The following CENPI variants were observed in gnomAD, a reference collection of about 807,000 sequenced individuals.
CENPI encodes centromere protein I.
CENPI carries 4 observed loss-of-function variants against 60.4 expected under a neutral mutation model. That is an observed-to-expected ratio of 0.07 (90% confidence interval 0.03 to 0.15). The LOEUF is 0.15. Ranked by LOEUF, CENPI falls within the 10% of genes least tolerant of loss-of-function variation. CENPI has a pLI of 1.00. For synonymous variants in CENPI, 157 were observed against 189.4 expected, an observed-to-expected ratio of 0.83 and a Z score of 1.40; for missense variants, 444 against 534.5, an observed-to-expected ratio of 0.83 and a Z score of 1.67.
chrX:101,141,964 T>C (rs1193454786), intron 16 of CENPI, among the ~76,000 whole-genome samples: 1 of 110,907 alleles, frequency 9.0e-6, no homozygotes, highest in Non-Finnish European at 1.9e-5. Flanking sequence ...ACTTCTAGGC[T>C]CAAGCTATCC....
intron 4 of CENPI, among the ~76,000 whole-genome samples, chrX:101,109,075 G>GTTTTTTTTT (rs869245080): frequency 2.1e-5 from 1 of 47,316 alleles, no homozygotes; most frequent in Non-Finnish European, 3.8e-5. Context: ...GAGGTGTGGT[G>GTTTTTTTTT]TTTTTTTTTT....
chrX:101,173,791 T>G, the CENPI span, among the ~76,000 whole-genome samples: 1 of 109,845 alleles, frequency 9.1e-6, no homozygotes, highest in Non-Finnish European at 1.9e-5. Flanking sequence ...GTTCAAAAAT[T>G]GAATCTTATA....
chrX:101,155,092 A>G (rs1602856255), intron 20 of CENPI, among the ~76,000 whole-genome samples: 1 of 111,344 alleles, frequency 9.0e-6, no homozygotes. Flanking sequence ...CTCAGGTACT[A>G]TGTCAAAAAA....
intron 6 of CENPI, among the ~76,000 whole-genome samples, chrX:101,119,871 T>G (rs1303408777): frequency 8.9e-6 from 1 of 111,751 alleles, no homozygotes; most frequent in Non-Finnish European, 1.9e-5. Flanking sequence ...TTAATAAGTA[T>G]GGGCCAGGTG....
In CENPI at chrX:101,113,330, AT is replaced by A. The variant is rs1270271472; in HGVS notation, c.591+3346del. ...ACACACACACACACACACAGAGTAG[AT>A]TTTTTTTTTTTTTGAGATGGAGTTT... On this transcript the variant is annotated intron_variant, in intron 6 of 21. Transcript: ENST00000682095. Among the ~76,000 whole-genome samples, 80 of 89,685 alleles carry A rather than the reference AT, an allele frequency of 8.9e-4. 2 individuals are homozygous for A. In the East Asian group the frequency reaches 9.9e-3, roughly 11 times the overall value. 77.9% of individuals were successfully genotyped at this position (89,685 alleles called of 115,157 possible).
At chrX:101,109,805 C>A in intron 5 of CENPI, 86 bp from the exon 6 acceptor site, 2 of 661,197 alleles carry the variant, frequency 3.0e-6, no homozygotes, top group Non-Finnish European at 4.7e-6. Flanking sequence ...CTAAAATAGC[C>A]CTGGTGGCGG....
At chrX:101,118,662 A>T (rs1309171865) in intron 6 of CENPI, among the ~76,000 whole-genome samples, 1 of 112,086 alleles carries the variant, frequency 8.9e-6, no homozygotes, top group African/African-American at 3.2e-5. Context: ...ATTAAAATAT[A>T]TGAGTTTTTC....
intron 15 of CENPI, among the ~76,000 whole-genome samples, chrX:101,138,857 C>T (rs1378129418): frequency 9.3e-6 from 1 of 107,884 alleles, no homozygotes; most frequent in Non-Finnish European, 1.9e-5. Context: ...AACTCCTGGA[C>T]TCAAGGGATC....
intron 4 of CENPI, among the ~76,000 whole-genome samples, 183 bp from the exon 5 acceptor site, chrX:101,109,290 G>A (rs1387638665): frequency 9.2e-6 from 1 of 109,123 alleles, no homozygotes; most frequent in Non-Finnish European, 1.9e-5. Context: ...CATGTTGGTC[G>A]GGCTGGTCTT....
At chrX:101,180,562 T>C in the CENPI span, among the ~76,000 whole-genome samples, 24 of 112,304 alleles carry the variant, frequency 2.1e-4, no homozygotes, top group Admixed American at 1.2e-3. Context: ...CTGTATACTT[T>C]ATTCATAGTG....
chrX:101,158,672 C>A (rs2090077368), intron 20 of CENPI, among the ~76,000 whole-genome samples: 1 of 108,272 alleles, frequency 9.2e-6, no homozygotes, highest in African/African-American at 3.4e-5. Context: ...GCTCTGGCAC[C>A]CATGCTGGAG....
intron 6 of CENPI, among the ~76,000 whole-genome samples, chrX:101,113,918 G>A (rs2089586848): frequency 8.9e-6 from 1 of 111,784 alleles, no homozygotes; most frequent in Non-Finnish European, 1.9e-5. Context: ...TATTGAATCA[G>A]TCTAATTGTA....
intron 15 of CENPI, among the ~76,000 whole-genome samples, chrX:101,138,818 G>T (rs2089878610): frequency 9.2e-6 from 1 of 108,383 alleles, no homozygotes. Flanking sequence ...TAGAGGCAGG[G>T]TTTTGCCATG....
rs182680275 is a variant in CENPI, at chrX:101,164,856, C to T, written c.*1889C>T. 1.7e-4 allele frequency among the ~76,000 whole-genome samples: 19 copies of T among 112,146 alleles called. 1 individual carries two copies. The highest frequency in any genetic ancestry group is 3.8e-4 in the Admixed American group (4 of 10,482). On this transcript the variant is annotated 3_prime_UTR_variant, in exon 22 of 22. Transcript: ENST00000682095. ...TGTATACTGAATCATCTTTGCATCC[C>T]GGGATGAATCCCACTGGGACAGAAT...
At chrX:101,155,592 A>G (rs2090045275) in intron 20 of CENPI, among the ~76,000 whole-genome samples, 1 of 112,009 alleles carries the variant, frequency 8.9e-6, no homozygotes, top group Admixed American at 9.6e-5. Context: ...CTGATATGGT[A>G]TATTCCATTA....
chrX:101,162,492 A>ATATATATATATAT, intron 21 of CENPI, among the ~76,000 whole-genome samples: 1 of 101,487 alleles, frequency 9.9e-6, no homozygotes, highest in African/African-American at 3.7e-5. Context: ...ATATATATAT[A>ATATATATATATAT]ATTATCTCAT....
At chrX:101,142,039 C>T (rs1172663329) in intron 16 of CENPI, among the ~76,000 whole-genome samples, 1 of 111,890 alleles carries the variant, frequency 8.9e-6, no homozygotes, top group African/African-American at 3.2e-5. Context: ...GTCTGAAATT[C>T]CTCTCTTTTA....
chrX:101,110,713 G>C (rs1348227561), intron 6 of CENPI, among the ~76,000 whole-genome samples: 1 of 111,694 alleles, frequency 9.0e-6, no homozygotes, highest in Non-Finnish European at 1.9e-5. Flanking sequence ...TTTAGCATAG[G>C]GTTTCTATAT....
Position 101,163,079 on chromosome X carries a change from A to C in CENPI, c.*112A>C. ...ATTTCACTGACAGACTGCCATCCTC[A>C]AGGAGTACTCAGACTGGCCTTCTGT... On this transcript the variant is annotated 3_prime_UTR_variant, in exon 22 of 22. Coordinates refer to ENST00000682095, the MANE Select transcript of CENPI (RefSeq NM_001386188.2). 1.2e-6 allele frequency: 1 copy of C among 806,048 alleles called. No individual in the cohort carries two copies. The highest frequency in any genetic ancestry group is 1.8e-6 in the Non-Finnish European group (1 of 550,551). 66.4% of individuals were successfully genotyped at this position (806,048 alleles called of 1,213,427 possible). A position where few individuals can be genotyped will look rare whatever the true frequency, so the allele number is the denominator to read the frequency against.
Sources: allele counts gnomAD v4.1 joint callset (sites outside exome capture counted in the v4.1 genomes callset), GRCh38; gene constraint gnomAD v4.1.1; transcripts MANE v1.5; gene names NCBI Gene and HGNC (gene_info 2026-07-23, HGNC 2026-07-21).